The following SLC7A5 variants were observed in gnomAD, a reference collection of about 807,000 sequenced individuals.
The protein encoded by SLC7A5 is large neutral amino acids transporter small subunit 1.
In SLC7A5, 23 loss-of-function variants were observed where a neutral mutation model predicts 50.2. The ratio of observed to expected loss-of-function variants is 0.46; its 90% CI spans 0.33 to 0.65. The LOEUF (loss-of-function observed/expected upper bound fraction) is 0.65. Among genes scored for constraint, SLC7A5 ranks in the 30% least tolerant of loss-of-function variants. The pLI, the probability that SLC7A5 is intolerant of heterozygous loss-of-function variation, is 0.02. For missense variants in SLC7A5, 578 were observed against 684.4 expected, an observed-to-expected ratio of 0.84 and a Z score of 1.73; for synonymous variants, 393 against 330.6, an observed-to-expected ratio of 1.19 and a Z score of -2.05.
At position 87,834,453 on chromosome 16, in the gene SLC7A5, A is replaced by C. The variant is rs544107042; in HGVS notation, c.1429T>G (p.Trp477Gly). The change falls in exon 9 of 10, where the codon TGG (tryptophan) becomes GGG (glycine). Residue 477 changes from tryptophan (W) to glycine (G), a missense_variant. Coordinates refer to ENST00000261622, the MANE Select transcript of SLC7A5 (RefSeq NM_003486.7). ...SGLPVYFFGV[W>G]WKNKPKWLLQ... is the part of the protein sequence containing the mutation. The stretch of plus-strand genomic sequence containing the variant: ...AGCCACTTGGGCTTGTTTTTCCACC[A>C]GACCCCGAAGAAGTAGACGGGCAGC... The C allele has an allele frequency of 6.4e-7, 1 of 1,561,414 alleles. No individual in the cohort carries two copies. Among genetic ancestry groups the C allele is most frequent in the South Asian group, 1.2e-5 (1 of 84,650 alleles).
At chr16:87,851,890 A>G in intron 1 of SLC7A5, 41 bp from the exon 2 acceptor site, 1 of 1,611,484 alleles carries the variant, frequency 6.2e-7, no homozygotes, top group Non-Finnish European at 8.5e-7. Flanking sequence ...ACGGGCAGAC[A>G]GACGCCAGCT....
At chr16:87,835,225 G>C (rs13329882) in intron 8 of SLC7A5, among the ~76,000 whole-genome samples, 4 of 152,070 alleles carry the variant, frequency 2.6e-5, no homozygotes, top group Admixed American at 1.3e-4. Context: ...CCATCAGTGT[G>C]GGCTGCATGA....
chr16:87,844,524 G>A (rs367783735), intron 2 of SLC7A5, among the ~76,000 whole-genome samples: 2 of 152,208 alleles, frequency 1.3e-5, no homozygotes, highest in East Asian at 1.9e-4. Flanking sequence ...GTGGCCAAAC[G>A]CACGTGGGAA....
rs1359412548 is a variant in SLC7A5 at position 87,853,186 on chromosome 16, C to G, written c.539-1337G>C. Among the ~76,000 whole-genome samples the G allele has an allele frequency of 6.6e-6, 1 of 152,254 alleles. No homozygotes were observed. Among genetic ancestry groups the G allele is most frequent in the Non-Finnish European group, 1.5e-5 (1 of 68,052 alleles). Reference sequence around the variant, plus strand: ...GAGGACTCCAGTGGCTTTTCCCCAGCTGAACAAATCCTGTGGAATCTTACA... The same window carrying G: ...GAGGACTCCAGTGGCTTTTCCCCAGGTGAACAAATCCTGTGGAATCTTACA... On this transcript the variant is annotated intron_variant, in intron 1 of 9. Coordinates refer to ENST00000261622, the MANE Select transcript of SLC7A5 (RefSeq NM_003486.7). This position sits in a 1 kb window ranked among gnomAD's most constrained non-coding sequence, Gnocchi z 4.4.
chr16:87,858,624 G>A (rs568074653), intron 1 of SLC7A5, among the ~76,000 whole-genome samples: 57 of 152,238 alleles, frequency 3.7e-4, no homozygotes, highest in African/African-American at 1.3e-3. Flanking sequence ...GTTCCTGGGC[G>A]GCAAAGTGAG....
chr16:87,830,302 G>C lies in SLC7A5; in HGVS notation c.*2668C>G, dbSNP rs1481830145. On this transcript the variant is annotated 3_prime_UTR_variant, in exon 10 of 10. Transcript: ENST00000261622. ...ACTGGAAATAAATAAACATGGTGCC[G>C]ACAGCATCTTTAAATTAGTAAGACG... The C allele has an allele frequency of 6.6e-6, 1 of 152,258 alleles. No homozygotes were observed. The highest frequency in any genetic ancestry group is 2.4e-5 in the African/African-American group (1 of 41,458). The allele number at this position is 152,258 out of a possible 1,614,324, so 9.4% of individuals were successfully genotyped here.
chr16:87,848,678 C>T (rs1287975305), intron 2 of SLC7A5, among the ~76,000 whole-genome samples: 1 of 152,212 alleles, frequency 6.6e-6, no homozygotes, highest in Non-Finnish European at 1.5e-5. Flanking sequence ...GCCCGCATCT[C>T]AGGAAAGGCC....
chr16:87,835,687 G>C (rs188871980), intron 8 of SLC7A5, among the ~76,000 whole-genome samples: 2 of 152,160 alleles, frequency 1.3e-5, no homozygotes, highest in Admixed American at 1.3e-4. Flanking sequence ...TGTTAGCCAG[G>C]ATGGTCTCTA....
intron 2 of SLC7A5, 50 bp downstream of exon 2, chr16:87,851,674 A>T (rs1249312500): frequency 1.3e-6 from 2 of 1,596,536 alleles, no homozygotes; most frequent in African/African-American, 2.7e-5. Flanking sequence ...TGAAGGACAC[A>T]CAGGCAAAGC....
At position 87,852,302 on chromosome 16, in the gene SLC7A5, G is replaced by A. The variant is rs1380515754; in HGVS notation, c.539-453C>T. Among the ~76,000 whole-genome samples, 3 of 152,178 alleles carry A rather than the reference G, an allele frequency of 2.0e-5. No homozygotes were observed. The highest frequency in any genetic ancestry group is 4.4e-5 in the Non-Finnish European group (3 of 68,030). On this transcript the variant is annotated intron_variant, in intron 1 of 9. Transcript: ENST00000261622. The surrounding 1 kb of genome is among the most constrained non-coding windows in gnomAD (Gnocchi z 4.5). Reference sequence around the variant, plus strand: ...CCCGACTGCCGGACTCCATGAGGGCGGGGCCCTTTCCTCAAAGAGGATCTT... The same window carrying A: ...CCCGACTGCCGGACTCCATGAGGGCAGGGCCCTTTCCTCAAAGAGGATCTT...
chr16:87,830,988 G>T lies in SLC7A5; in HGVS notation c.*1982C>A, dbSNP rs2054928839. On this transcript the variant is annotated 3_prime_UTR_variant, in exon 10 of 10. Transcript: ENST00000261622. Reference sequence around the variant, plus strand: ...GCCCCAGTGGGAAGCAGTGGTGCGTGCCTCCAGGGAGCACTTCTCCTGGAC... The same window carrying T: ...GCCCCAGTGGGAAGCAGTGGTGCGTTCCTCCAGGGAGCACTTCTCCTGGAC... 1 of 152,282 alleles carries T rather than the reference G, an allele frequency of 6.6e-6. No homozygotes were observed. The highest frequency in any genetic ancestry group is 2.4e-5 in the African/African-American group (1 of 41,462). The allele number at this position is 152,282 out of a possible 1,614,324, so 9.4% of individuals were successfully genotyped here.
intron 1 of SLC7A5, among the ~76,000 whole-genome samples, chr16:87,867,172 G>A (rs578210107): frequency 1.3e-3 from 201 of 152,274 alleles, no homozygotes; most frequent in African/African-American, 4.5e-3. Flanking sequence ...CGCCCGTCTC[G>A]GCCTCCCAAA....
rs2055266605 is a variant in SLC7A5, at chr16:87,853,570, C to T, written c.539-1721G>A. Among the ~76,000 whole-genome samples the T allele has an allele frequency of 6.6e-6, 1 of 152,206 alleles. No homozygotes were observed. The highest frequency in any genetic ancestry group is 6.5e-5 in the Admixed American group (1 of 15,284). Reference sequence around the variant, plus strand: ...TCCAACCCTCAGGGCTCAGCAGGGTCAGGTCAGTGGGTCTAGGCAGCTCCT... The same window carrying T: ...TCCAACCCTCAGGGCTCAGCAGGGTTAGGTCAGTGGGTCTAGGCAGCTCCT... On this transcript the variant is annotated intron_variant, in intron 1 of 9. Transcript: ENST00000261622. The surrounding 1 kb of genome is among the most constrained non-coding windows in gnomAD (Gnocchi z 4.4).
At position 87,860,429 on chromosome 16, in the gene SLC7A5, G is replaced by A. The variant is rs1295429272; in HGVS notation, c.538+8456C>T. Among the ~76,000 whole-genome samples the A allele has an allele frequency of 7.1e-6, 1 of 140,958 alleles. No homozygotes were observed. Among genetic ancestry groups the A allele is most frequent in the Non-Finnish European group, 1.5e-5 (1 of 66,440 alleles). 92.5% of individuals were successfully genotyped at this position (140,958 alleles called of 152,430 possible). On this transcript the variant is annotated intron_variant, in intron 1 of 9. Transcript: ENST00000261622. This position sits in a 1 kb window ranked among gnomAD's most constrained non-coding sequence, Gnocchi z 4.8. ...ATATATAAAGAAAAAGGAAATCTTCGAACCCACCTGTGACCAGGAAGCCCA... is the reference window on the plus strand; with the variant it reads ...ATATATAAAGAAAAAGGAAATCTTCAAACCCACCTGTGACCAGGAAGCCCA...
chr16:87,865,302 C>G (rs1452139625), intron 1 of SLC7A5, among the ~76,000 whole-genome samples: 1 of 152,186 alleles, frequency 6.6e-6, no homozygotes, highest in African/African-American at 2.4e-5. Context: ...GTGGCCCTAA[C>G]TTTCGCTGAA....
At chr16:87,836,807 T>TG (rs2055010338) in intron 7 of SLC7A5, 160 bp from the exon 8 acceptor site, 1 of 682,530 alleles carries the variant, frequency 1.5e-6, no homozygotes, top group Admixed American at 2.2e-5. Flanking sequence ...TGCAAGGTCT[T>TG]GAAGGAGGAA....
chr16:87,834,982 T>A (rs2054980334), intron 8 of SLC7A5, among the ~76,000 whole-genome samples: 1 of 152,222 alleles, frequency 6.6e-6, no homozygotes, highest in Non-Finnish European at 1.5e-5. Context: ...GAGACCACCC[T>A]CTTGGAGACG....
intron 9 of SLC7A5, 83 bp downstream of exon 9, chr16:87,834,327 TGTGG>T (rs2054969130): frequency 2.2e-6 from 3 of 1,339,856 alleles, no homozygotes; most frequent in Non-Finnish European, 3.1e-6. Flanking sequence ...CTTCGCCCCA[TGTGG>T]GTGGAGACGG....
chr16:87,859,692 G>A (rs2055364328), intron 1 of SLC7A5, among the ~76,000 whole-genome samples: 1 of 152,130 alleles, frequency 6.6e-6, no homozygotes. Context: ...TGTAATCCCA[G>A]CACTTTGGGA....
Sources: gnomAD v4.1 joint callset for allele counts (sites outside exome capture counted in the v4.1 genomes callset) on GRCh38, gnomAD v4.1.1 for gene constraint, Gnocchi (gnomAD v3.1) non-coding constraint, MANE v1.5 for transcripts, NCBI Gene and HGNC (gene_info 2026-07-23, HGNC 2026-07-21) for gene names.